SPATA17: variants seen among roughly 807,000 people sequenced by gnomAD.
SPATA17 encodes spermatogenesis-associated protein 17.
A neutral mutation model predicts 62.2 loss-of-function variants in SPATA17; 53 were observed. That is an observed-to-expected ratio of 0.85 (90% CI 0.68 to 1.07). The LOEUF is 1.07. Among genes scored for constraint, SPATA17 ranks in the 50% least tolerant of loss-of-function variants. The pLI, the probability that SPATA17 is intolerant of heterozygous loss-of-function variation, is 0.00. For synonymous variants in SPATA17, 146 were observed against 146.8 expected (o/e 0.99, Z 0.04); for missense variants, 466 against 425.5 (o/e 1.10, Z -0.84).
rs138224894 is a variant in SPATA17 at position 217,746,403 on chromosome 1, T to C, written c.519+4305T>C. Among the ~76,000 whole-genome samples the C allele has an allele frequency of 1.5e-3, 223 of 151,842 alleles. 1 individual carries two copies. Among genetic ancestry groups the C allele is most frequent in the African/African-American group, 4.8e-3 (199 of 41,560 alleles). ...TTAGGAATGATGTTAGTATGGTTTATAGAATAGTAATTTTTACATTAATTT... is the reference window on the plus strand; with the variant it reads ...TTAGGAATGATGTTAGTATGGTTTACAGAATAGTAATTTTTACATTAATTT... On this transcript the variant is annotated intron_variant, in intron 6 of 10. Coordinates refer to ENST00000366933, the MANE Select transcript of SPATA17 (RefSeq NM_138796.4).
At chr1:217,734,869 A>G (rs1672477732) in intron 5 of SPATA17, among the ~76,000 whole-genome samples, 1 of 152,146 alleles carries the variant, frequency 6.6e-6, no homozygotes, top group African/African-American at 2.4e-5. Context: ...AGCCAGTCTG[A>G]GGTGGGGTCT....
intron 5 of SPATA17, among the ~76,000 whole-genome samples, chr1:217,726,668 T>G (rs141204845): frequency 4.6e-5 from 7 of 152,068 alleles, no homozygotes; most frequent in African/African-American, 1.7e-4. Context: ...GGGTTGTGAC[T>G]GTTCCTTGTT....
intron 4 of SPATA17, among the ~76,000 whole-genome samples, chr1:217,677,457 A>C (rs1658167051): frequency 6.6e-6 from 1 of 152,116 alleles, no homozygotes; most frequent in Non-Finnish European, 1.5e-5. Flanking sequence ...CCGAGATTAC[A>C]TAGTTAGAGA....
chr1:217,708,888 C>T (rs144559231), intron 5 of SPATA17, among the ~76,000 whole-genome samples: 49 of 151,664 alleles, frequency 3.2e-4, no homozygotes, highest in African/African-American at 1.1e-3. Context: ...ATACAGAAAT[C>T]AATAAATGTG....
intron 7 of SPATA17, 112 bp downstream of exon 7, chr1:217,774,649 G>T: frequency 1.2e-6 from 1 of 841,018 alleles, no homozygotes; most frequent in South Asian, 1.8e-5. Context: ...AGTTTAGTGG[G>T]ATTAAGTACA....
chr1:217,720,193 G>A (rs1188124999), intron 5 of SPATA17, among the ~76,000 whole-genome samples: 1 of 152,124 alleles, frequency 6.6e-6, no homozygotes, highest in African/African-American at 2.4e-5. Context: ...AAATGTTACA[G>A]ATCCAGGTCC....
At chr1:217,776,665 C>A (rs955615344) in intron 7 of SPATA17, among the ~76,000 whole-genome samples, 3 of 147,308 alleles carry the variant, frequency 2.0e-5, no homozygotes, top group Non-Finnish European at 3.0e-5. Flanking sequence ...ATAGCGAGAG[C>A]CTGTCTCTAT....
chr1:217,813,743 C>T (rs1219105780), intron 9 of SPATA17, among the ~76,000 whole-genome samples: 1 of 151,896 alleles, frequency 6.6e-6, no homozygotes, highest in Non-Finnish European at 1.5e-5. Flanking sequence ...TTTCTAAGGA[C>T]AGTAGGCTTC....
At chr1:217,816,934 ATCTAT>A (rs1181846372) in intron 9 of SPATA17, among the ~76,000 whole-genome samples, 3 of 152,010 alleles carry the variant, frequency 2.0e-5, no homozygotes, top group South Asian at 2.1e-4. Context: ...GATCAAATAA[ATCTAT>A]TCTATGTATC....
At chr1:217,733,712 TTTTTGA>T (rs1302190647) in intron 5 of SPATA17, among the ~76,000 whole-genome samples, 1 of 152,206 alleles carries the variant, frequency 6.6e-6, no homozygotes, top group Non-Finnish European at 1.5e-5. Flanking sequence ...AGCTTAGATA[TTTTTGA>T]AGAGAAACTC....
intron 9 of SPATA17, among the ~76,000 whole-genome samples, chr1:217,826,377 A>T (rs1333624977): frequency 6.6e-6 from 1 of 152,056 alleles, no homozygotes; most frequent in African/African-American, 2.4e-5. Context: ...GAGCTTTATT[A>T]TATGAATTTG....
At chr1:217,723,014 G>A (rs575997218) in intron 5 of SPATA17, among the ~76,000 whole-genome samples, 1 of 152,194 alleles carries the variant, frequency 6.6e-6, no homozygotes, top group Non-Finnish European at 1.5e-5. Flanking sequence ...GAGGGACTTA[G>A]TCTGGAGTAG....
intron 10 of SPATA17, chr1:217,866,617 T>C (rs796724847): frequency 7.2e-5 from 11 of 152,224 alleles, no homozygotes; most frequent in African/African-American, 2.6e-4. Flanking sequence ...CATGCCCTCA[T>C]GCCCAGCTAA....
intron 6 of SPATA17, among the ~76,000 whole-genome samples, chr1:217,753,665 A>T (rs1672969555): frequency 6.6e-6 from 1 of 152,016 alleles, no homozygotes; most frequent in African/African-American, 2.4e-5. Flanking sequence ...GTATATATGT[A>T]CATACATGTA....
intron 9 of SPATA17, chr1:217,850,270 A>G (rs1484088815): frequency 2.8e-6 from 1 of 352,758 alleles, no homozygotes; most frequent in East Asian, 5.5e-5. Context: ...ACCATGCAAC[A>G]AAACCTTTAT....
At chr1:217,744,228 C>T (rs901343419) in intron 6 of SPATA17, among the ~76,000 whole-genome samples, 1 of 47,214 alleles carries the variant, frequency 2.1e-5, no homozygotes, top group Non-Finnish European at 8.3e-5. Context: ...TTTGGGAGGC[C>T]GAGGCGGGCG....
chr1:217,871,341 C>T lies in SPATA17; in HGVS notation c.*4322C>T, dbSNP rs183121416. 7.2e-5 allele frequency: 11 copies of T among 152,078 alleles called. No homozygotes were observed. The highest frequency in any genetic ancestry group is 7.2e-4 in the Admixed American group (11 of 15,252). 9.4% of individuals were successfully genotyped at this position (152,078 alleles called of 1,614,324 possible). A position where few individuals can be genotyped will look rare whatever the true frequency, so the allele number is the denominator to read the frequency against. On this transcript the variant is annotated 3_prime_UTR_variant, in exon 11 of 11. Coordinates refer to ENST00000366933, the MANE Select transcript of SPATA17 (RefSeq NM_138796.4). ...CCTACCTGTTACAGCTGCACGGTAT[C>T]CATTTTCTGTGCTAAATTCATCTTT...
intron 6 of SPATA17, among the ~76,000 whole-genome samples, chr1:217,756,410 A>G (rs1673044301): frequency 6.6e-6 from 1 of 152,260 alleles, no homozygotes; most frequent in East Asian, 1.9e-4. Context: ...CCCAAATTAA[A>G]CCAAGTTACA....
intron 5 of SPATA17, among the ~76,000 whole-genome samples, chr1:217,688,740 C>A (rs1671282532): frequency 6.6e-6 from 1 of 152,090 alleles, no homozygotes; most frequent in South Asian, 2.1e-4. Flanking sequence ...ATCTGCATGC[C>A]CGGAGACTCT....
Sources: gnomAD v4.1 joint callset for allele counts (sites outside exome capture counted in the v4.1 genomes callset) on GRCh38, gnomAD v4.1.1 for gene constraint, MANE v1.5 for transcripts, NCBI Gene and HGNC (gene_info 2026-07-23, HGNC 2026-07-21) for gene names.